Variants in LRRC49 observed in about 807,000 individuals in gnomAD.
The protein encoded by LRRC49 is leucine rich repeat containing 49, also known as leucine-rich repeat-containing protein 49.
A neutral mutation model predicts 83.3 loss-of-function variants in LRRC49; 50 were observed. That is an observed-to-expected ratio of 0.60 (90% CI 0.48 to 0.76). The LOEUF (loss-of-function observed/expected upper bound fraction) is 0.76, where lower values mean the gene tolerates loss of function less well. LRRC49 is among the 30% of genes least tolerant of loss of function. The pLI is 0.00. For missense variants in LRRC49, 704 were observed against 809.1 expected (o/e 0.87, Z 1.58); for synonymous variants, 286 against 283.3 (o/e 1.01, Z -0.10).
At chr15:70,959,583 A>G (rs1332288042) in intron 8 of LRRC49, among the ~76,000 whole-genome samples, 1 of 130,206 alleles carries the variant, frequency 7.7e-6, no homozygotes, top group African/African-American at 3.0e-5. Flanking sequence ...GGAAGGAAGG[A>G]AGGAAGGAAG....
chr15:70,893,562 T>C (rs577294170), intron 1 of LRRC49, 22 bp from the exon 2 acceptor site: 8 of 1,557,040 alleles, frequency 5.1e-6, no homozygotes, highest in African/African-American at 4.1e-5. Flanking sequence ...GCAAATTTTA[T>C]GGTTTAATTT....
intron 7 of LRRC49, among the ~76,000 whole-genome samples, chr15:70,928,532 A>G (rs1372651467): frequency 6.8e-6 from 1 of 147,974 alleles, no homozygotes; most frequent in Non-Finnish European, 1.5e-5. Flanking sequence ...CATAACTTTC[A>G]TTTATTTATT....
intron 2 of LRRC49, among the ~76,000 whole-genome samples, chr15:70,880,411 G>C (rs1333363793): frequency 6.6e-6 from 1 of 152,148 alleles, no homozygotes; most frequent in African/African-American, 2.4e-5. Context: ...GTGAACACTT[G>C]TCTGGCACAG....
At chr15:71,000,771 A>G (rs1343000944) in intron 11 of LRRC49, among the ~76,000 whole-genome samples, 2 of 151,842 alleles carry the variant, frequency 1.3e-5, no homozygotes, top group East Asian at 3.9e-4. Context: ...TCTAATTTAG[A>G]CTCATCATTT....
At chr15:71,015,404 A>T (rs1394840828) in intron 14 of LRRC49, among the ~76,000 whole-genome samples, 11 of 152,144 alleles carry the variant, frequency 7.2e-5, no homozygotes. Context: ...GATTCTCATA[A>T]GGAGTGGGCA....
At position 71,049,910 on chromosome 15, in the gene LRRC49, G is replaced by T. The variant is rs1280070666; in HGVS notation, c.*298G>T. ...TTGCTTTGATTGGTGCCCTGCTATA[G>T]CCCAAAGCACGTAGTATTTGCTGAT... On this transcript the variant is annotated 3_prime_UTR_variant, in exon 16 of 16. Transcript: ENST00000260382. The T allele has an allele frequency of 3.9e-6, 1 of 253,358 alleles. No homozygotes were observed. Among genetic ancestry groups the T allele is most frequent in the Non-Finnish European group, 7.4e-6 (1 of 134,422 alleles). The allele number at this position is 253,358 out of a possible 1,614,324, so 15.7% of individuals were successfully genotyped here. A position where few individuals can be genotyped will look rare whatever the true frequency, so the allele number is the denominator to read the frequency against.
At chr15:70,911,300 G>A (rs117650357) in intron 5 of LRRC49, among the ~76,000 whole-genome samples, 1,819 of 152,212 alleles carry the variant, frequency 0.012, 20 homozygotes, top group Non-Finnish European at 0.018. Flanking sequence ...TTAGACATAG[G>A]ATTGCTCTTT....
intron 13 of LRRC49, among the ~76,000 whole-genome samples, chr15:71,011,524 T>C (rs2038650232): frequency 6.6e-6 from 1 of 152,144 alleles, no homozygotes; most frequent in African/African-American, 2.4e-5. Context: ...TTTGACACTT[T>C]ATTAAAATAC....
At chr15:70,867,179 G>A (rs537621095) in intron 1 of LRRC49, among the ~76,000 whole-genome samples, 1 of 152,014 alleles carries the variant, frequency 6.6e-6, no homozygotes, top group African/African-American at 2.4e-5. Context: ...GCTGAGTCAT[G>A]TAGGCCTGCC....
At chr15:70,963,628 G>A (rs778143735) in intron 8 of LRRC49, among the ~76,000 whole-genome samples, 157 bp from the exon 9 acceptor site, 3 of 152,162 alleles carry the variant, frequency 2.0e-5, no homozygotes, top group East Asian at 3.8e-4. Context: ...CAAGATGTTA[G>A]CAATAGGGGA....
intron 8 of LRRC49, among the ~76,000 whole-genome samples, chr15:70,956,312 T>C (rs1261705333): frequency 2.0e-5 from 3 of 152,174 alleles, no homozygotes; most frequent in East Asian, 1.9e-4. Flanking sequence ...TGTTTCTCTA[T>C]AGGTTCTTTA....
intron 5 of LRRC49, among the ~76,000 whole-genome samples, chr15:70,911,011 G>T (rs1448480210): frequency 2.6e-5 from 4 of 152,242 alleles, no homozygotes; most frequent in African/African-American, 9.6e-5. Context: ...AGAGTTGTTT[G>T]ATCTGAGACC....
At chr15:70,893,727 C>T in intron 2 of LRRC49, 87 bp downstream of exon 2, 1 of 1,029,570 alleles carries the variant, frequency 9.7e-7, no homozygotes, top group Non-Finnish European at 1.5e-6. Flanking sequence ...TAGATAGATT[C>T]TAAACTGAAA....
At chr15:70,892,017 C>T (rs184314334), upstream of LRRC49, 1,390 of 1,612,676 alleles carry the variant, frequency 8.6e-4, 13 homozygotes, top group Middle Eastern at 1.7e-4. Context: ...AGGGTGGGCA[C>T]GGCGCCTGCC....
intron 1 of LRRC49, chr15:70,859,813 G>A (rs2032743439): frequency 1.2e-5 from 9 of 756,552 alleles, no homozygotes; most frequent in South Asian, 2.7e-5. Flanking sequence ...GGCAGGATAT[G>A]GTGTGGCAGC....
At chr15:70,965,208 C>T (rs1308796136) in intron 9 of LRRC49, among the ~76,000 whole-genome samples, 1 of 152,112 alleles carries the variant, frequency 6.6e-6, no homozygotes, top group Non-Finnish European at 1.5e-5. Flanking sequence ...TTAGAGCTAA[C>T]TCGTTTATAT....
At chr15:70,986,237 T>TGAGAA (rs2037611243) in intron 11 of LRRC49, among the ~76,000 whole-genome samples, 2 of 152,186 alleles carry the variant, frequency 1.3e-5, no homozygotes, top group Non-Finnish European at 2.9e-5. Context: ...TATGGCCATT[T>TGAGAA]TCATGATATT....
chr15:70,954,504 G>T (rs2036330309), intron 8 of LRRC49, among the ~76,000 whole-genome samples: 1 of 152,092 alleles, frequency 6.6e-6, no homozygotes, highest in African/African-American at 2.4e-5. Flanking sequence ...AAGACATGCT[G>T]GTTTTTAGAG....
intron 15 of LRRC49, among the ~76,000 whole-genome samples, chr15:71,044,803 T>TA (rs1451285799): frequency 4.0e-5 from 6 of 150,242 alleles, no homozygotes; most frequent in Admixed American, 2.0e-4. Flanking sequence ...TAAATTAATT[T>TA]AAAAAATCAT....
Sources: allele counts gnomAD v4.1 joint callset (sites outside exome capture counted in the v4.1 genomes callset), GRCh38; gene constraint gnomAD v4.1.1; transcripts MANE v1.5; gene names NCBI Gene and HGNC (gene_info 2026-07-23, HGNC 2026-07-21).